The following SGCD variants were observed in gnomAD, a reference collection of about 807,000 sequenced individuals.
The protein encoded by SGCD is delta-sarcoglycan.
In SGCD, 18 loss-of-function variants were observed where a neutral mutation model predicts 36.6. That is an observed-to-expected ratio of 0.49 (90% CI 0.34 to 0.73). The LOEUF (loss-of-function observed/expected upper bound fraction) is 0.73, where lower values mean the gene tolerates loss of function less well. SGCD is among the 30% of genes least tolerant of loss of function. The probability of loss-of-function intolerance (pLI) is 0.01; values close to 1 mark genes in which losing one functional copy is unlikely to be tolerated. For missense variants in SGCD, 387 were observed against 346.7 expected (o/e 1.12, Z -0.92); for synonymous variants, 133 against 130.6 (o/e 1.02, Z -0.12).
chr5:155,766,957 C>T, the SGCD span, among the ~76,000 whole-genome samples: 4 of 152,074 alleles, frequency 2.6e-5, no homozygotes, highest in Non-Finnish European at 4.4e-5. Context: ...ACCAACCATG[C>T]TCTCCCAGGC....
At chr5:156,172,261 C>T (rs113803835) in intron 3 of SGCD, among the ~76,000 whole-genome samples, 2,572 of 152,136 alleles carry the variant, frequency 0.017, 79 homozygotes, top group African/African-American at 0.058. Context: ...CCAGCCTAGT[C>T]GAAAAGAGCA....
chr5:156,330,858 G>A (rs1471659619), intron 2 of SGCD, among the ~76,000 whole-genome samples: 1 of 152,144 alleles, frequency 6.6e-6, no homozygotes, highest in East Asian at 1.9e-4. Flanking sequence ...ACGAAGACTG[G>A]GGTCCTGGCT....
intron 3 of SGCD, among the ~76,000 whole-genome samples, chr5:156,270,828 A>C (rs969199011): frequency 6.6e-6 from 1 of 152,170 alleles, no homozygotes; most frequent in African/African-American, 2.4e-5. Context: ...CAGTGAGGGA[A>C]TATTGTAGAG....
chr5:156,430,972 G>A lies in SGCD; in HGVS notation c.193-77629G>A, dbSNP rs535898484. 2.4e-3 allele frequency among the ~76,000 whole-genome samples: 365 copies of A among 152,236 alleles called. 1 individual carries two copies. Among genetic ancestry groups the A allele is most frequent in the African/African-American group, 8.6e-3 (356 of 41,528 alleles). On this transcript the variant is annotated intron_variant, in intron 3 of 8. Coordinates refer to ENST00000337851, the MANE Select transcript of SGCD (RefSeq NM_000337.6). Reference sequence around the variant, plus strand: ...TTCAGGCTTCAGGCCAATGGGAGAGGTATCCCTGGGTAGGGACTGGTTGTA... The same window carrying A: ...TTCAGGCTTCAGGCCAATGGGAGAGATATCCCTGGGTAGGGACTGGTTGTA...
At chr5:156,323,220 T>C (rs1487858485), upstream of SGCD, among the ~76,000 whole-genome samples, 1 of 152,158 alleles carries the variant, frequency 6.6e-6, no homozygotes, top group Non-Finnish European at 1.5e-5. Flanking sequence ...AATAGAAGTA[T>C]AGCTTCTGAA....
At chr5:155,889,335 A>G (rs1256648035) in intron 1 of SGCD, among the ~76,000 whole-genome samples, 1 of 151,956 alleles carries the variant, frequency 6.6e-6, no homozygotes, top group African/African-American at 2.4e-5. Context: ...TTTTTTGGTT[A>G]TATGTTTTTT....
At chr5:155,794,748 A>G in the SGCD span, among the ~76,000 whole-genome samples, 1 of 152,182 alleles carries the variant, frequency 6.6e-6, no homozygotes, top group Non-Finnish European at 1.5e-5. Flanking sequence ...AATTTGTGGC[A>G]GAATCAATAT....
intron 1 of SGCD, among the ~76,000 whole-genome samples, chr5:156,089,263 A>C (rs867389403): frequency 7.2e-5 from 11 of 152,234 alleles, no homozygotes; most frequent in African/African-American, 2.4e-4. Flanking sequence ...ATTTGGAGCA[A>C]GGCAACAGGC....
intron 1 of SGCD, among the ~76,000 whole-genome samples, chr5:155,984,579 T>G (rs1758292728): frequency 6.6e-6 from 1 of 152,230 alleles, no homozygotes. Context: ...TGATGTAGCT[T>G]TTGCTGGTGT....
intron 1 of SGCD, among the ~76,000 whole-genome samples, chr5:155,896,488 A>C (rs1233656214): frequency 1.4e-5 from 2 of 145,704 alleles, no homozygotes; most frequent in Non-Finnish European, 3.0e-5. Context: ...AAAAAAAAAA[A>C]CACAAGAATT....
intron 7 of SGCD, among the ~76,000 whole-genome samples, chr5:156,667,503 T>C (rs1753101844): frequency 6.6e-6 from 1 of 152,196 alleles, no homozygotes; most frequent in Admixed American, 6.6e-5. Flanking sequence ...TTAATAATTA[T>C]TTGGTCATAA....
At chr5:155,927,172 C>T (rs982145284) in intron 1 of SGCD, among the ~76,000 whole-genome samples, 13 of 152,088 alleles carry the variant, frequency 8.5e-5, no homozygotes, top group Non-Finnish European at 1.5e-4. Flanking sequence ...CCATTTCTAA[C>T]GGTCATAGAG....
chr5:156,474,170 G>A (rs1338886949), intron 3 of SGCD, among the ~76,000 whole-genome samples: 1 of 152,068 alleles, frequency 6.6e-6, no homozygotes, highest in Non-Finnish European at 1.5e-5. Flanking sequence ...TTTGGGTAGA[G>A]GCCAGAGATG....
the SGCD span, among the ~76,000 whole-genome samples, chr5:155,820,796 A>G: frequency 8.2e-4 from 125 of 152,272 alleles, no homozygotes; most frequent in African/African-American, 2.8e-3. Context: ...TCCCCTGAAC[A>G]TTTATATTCC....
chr5:156,211,252 C>G (rs1373599697), intron 3 of SGCD, among the ~76,000 whole-genome samples: 2 of 151,914 alleles, frequency 1.3e-5, no homozygotes, highest in Admixed American at 1.3e-4. Context: ...CCCAGACAAA[C>G]AAAAGCTTAG....
intron 3 of SGCD, among the ~76,000 whole-genome samples, chr5:156,277,493 C>T (rs1026094570): frequency 1.3e-5 from 2 of 152,120 alleles, no homozygotes; most frequent in African/African-American, 4.8e-5. Context: ...TTAACCTTTG[C>T]AGGATTTGCT....
chr5:156,685,115 A>G (rs1013849497), intron 7 of SGCD, among the ~76,000 whole-genome samples: 1 of 152,198 alleles, frequency 6.6e-6, no homozygotes. Context: ...CCTTGAAAGC[A>G]GAAGATTAAA....
intron 3 of SGCD, among the ~76,000 whole-genome samples, chr5:156,152,450 A>C (rs1210685322): frequency 6.6e-6 from 1 of 151,666 alleles, no homozygotes; most frequent in Non-Finnish European, 1.5e-5. Flanking sequence ...CATGTGTGGC[A>C]ATTAAACTCT....
At chr5:155,747,299 G>A in the SGCD span, among the ~76,000 whole-genome samples, 1 of 152,176 alleles carries the variant, frequency 6.6e-6, no homozygotes, top group Admixed American at 6.5e-5. Flanking sequence ...GGGATGGCTT[G>A]ACTTTCAGAA....
Sources: gnomAD v4.1 joint callset for allele counts (sites outside exome capture counted in the v4.1 genomes callset) on GRCh38, gnomAD v4.1.1 for gene constraint, MANE v1.5 for transcripts, NCBI Gene and HGNC (gene_info 2026-07-23, HGNC 2026-07-21) for gene names.